Variants in RASSF5 observed in about 807,000 individuals in gnomAD.
The protein encoded by RASSF5 is Ras association domain family member 5, also known as ras association domain-containing protein 5.
A neutral mutation model predicts 40.5 loss-of-function variants in RASSF5; 25 were observed. That is an observed-to-expected ratio of 0.62 (90% CI 0.45 to 0.86). RASSF5 has a LOEUF of 0.86. Ranked by LOEUF, RASSF5 falls within the 40% of genes least tolerant of loss-of-function variation. The pLI, the probability that RASSF5 is intolerant of heterozygous loss-of-function variation, is 0.00. For synonymous variants in RASSF5, 246 were observed against 252.4 expected (o/e 0.97, Z 0.24); for missense variants, 521 against 572.8 (o/e 0.91, Z 0.92).
chr1:206,548,232 G>A (rs1344226596), intron 2 of RASSF5, among the ~76,000 whole-genome samples: 1 of 152,092 alleles, frequency 6.6e-6, no homozygotes, highest in East Asian at 1.9e-4. Context: ...CTGAGACTGG[G>A]CAATGTATAA....
chr1:206,580,525 G>T (rs782402947), intron 2 of RASSF5, among the ~76,000 whole-genome samples: 17 of 152,182 alleles, frequency 1.1e-4, no homozygotes, highest in South Asian at 4.1e-4. Context: ...GGCACATCTG[G>T]TCCCATAGAC....
At chr1:206,558,238 T>G (rs1442080328) in intron 2 of RASSF5, among the ~76,000 whole-genome samples, 1 of 152,150 alleles carries the variant, frequency 6.6e-6, no homozygotes, top group Non-Finnish European at 1.5e-5. Flanking sequence ...GCTGCTGTCA[T>G]GCTACCACTT....
Position 206,507,929 on chromosome 1 carries a change from G to T in RASSF5, c.327G>T (p.Gln109His). 6.6e-7 allele frequency: 1 copy of T among 1,520,140 alleles called. No individual in the cohort carries two copies. The allele number at this position is 1,520,140 out of a possible 1,614,324, so 94.2% of individuals were successfully genotyped here. ...GCGACGTGCGGAGCATCTTCGAGCA[G>T]CCGCAGGATCCCAGAGTCCCGGCGG... ...RPRDVRSIFEQPQDPRVPAER... is the reference protein window; with the variant it reads ...RPRDVRSIFEHPQDPRVPAER... The change falls in exon 1 of 6, where the codon CAG becomes CAT. Residue 109 changes from glutamine to histidine, a missense_variant. Transcript: ENST00000579436.
At chr1:206,563,650 T>G (rs1193014016) in intron 2 of RASSF5, among the ~76,000 whole-genome samples, 1 of 152,208 alleles carries the variant, frequency 6.6e-6, no homozygotes, top group Non-Finnish European at 1.5e-5. Flanking sequence ...TGGATTCTGC[T>G]TTTCTAATAC....
intron 2 of RASSF5, among the ~76,000 whole-genome samples, chr1:206,570,034 T>A (rs1668397484): frequency 6.6e-6 from 1 of 151,756 alleles, no homozygotes; most frequent in Admixed American, 6.6e-5. Flanking sequence ...CCCCTGCCCT[T>A]TTTATTTTTT....
At chr1:206,515,081 A>G (rs1666712868) in intron 1 of RASSF5, among the ~76,000 whole-genome samples, 1 of 152,242 alleles carries the variant, frequency 6.6e-6, no homozygotes, top group Admixed American at 6.5e-5. Context: ...AGAACCCAGC[A>G]TGGCATTTTG....
chr1:206,574,962 C>G (rs895090723), intron 2 of RASSF5, among the ~76,000 whole-genome samples: 1 of 149,502 alleles, frequency 6.7e-6, no homozygotes, highest in South Asian at 2.1e-4. Flanking sequence ...CAGGTTCAAG[C>G]GATTCTTCCG....
In RASSF5 at chr1:206,536,100, G is replaced by A. The variant is rs149301541; in HGVS notation, c.458-2072G>A. Among the ~76,000 whole-genome samples the A allele has an allele frequency of 9.8e-3, 1,498 of 152,190 alleles. 23 individuals are homozygous for A. Among genetic ancestry groups the A allele is most frequent in the African/African-American group, 0.034 (1,409 of 41,510 alleles). ...AAACCCTGGTATTTCTGGGCACTGC[G>A]GGCAGAAGTTTGGCCTGCACTTCCC... On this transcript the variant is annotated intron_variant, in intron 1 of 5. Coordinates refer to ENST00000579436, the MANE Select transcript of RASSF5 (RefSeq NM_182663.4).
intron 2 of RASSF5, among the ~76,000 whole-genome samples, chr1:206,558,117 T>C (rs1014536527): frequency 6.6e-6 from 1 of 152,228 alleles, no homozygotes; most frequent in African/African-American, 2.4e-5. Flanking sequence ...CACACATTCA[T>C]CGGTTGGGAC....
At chr1:206,570,017 C>T (rs1668397032) in intron 2 of RASSF5, among the ~76,000 whole-genome samples, 1 of 151,828 alleles carries the variant, frequency 6.6e-6, no homozygotes, top group African/African-American at 2.4e-5. Context: ...ACATGGCCTC[C>T]AGGTTTCCCC....
At position 206,535,574 on chromosome 1, in the gene RASSF5, G is replaced by A. The variant is rs114536208; in HGVS notation, c.458-2598G>A. On this transcript the variant is annotated intron_variant, in intron 1 of 5. Transcript: ENST00000579436. This position sits in a 1 kb window ranked among gnomAD's most constrained non-coding sequence, Gnocchi z 5.0. ...GCTGCAGCCTGTGATTACATGGTCC[G>A]ATGGAACAAAGTCTTTGGTGCTCAA... 2.1e-3 allele frequency among the ~76,000 whole-genome samples: 316 copies of A among 152,244 alleles called. 4 individuals are homozygous for A. The highest frequency in any genetic ancestry group is 7.4e-3 in the African/African-American group (306 of 41,538).
At chr1:206,575,508 G>C (rs374301098) in intron 2 of RASSF5, among the ~76,000 whole-genome samples, 1 of 152,172 alleles carries the variant, frequency 6.6e-6, no homozygotes, top group Admixed American at 6.5e-5. Context: ...GTGGTGAGCA[G>C]TGAAAAAGTA....
In RASSF5 at chr1:206,507,537, G is replaced by C. The variant is rs552622339; in HGVS notation, c.-66G>C. The C allele has an allele frequency of 2.3e-6, 3 of 1,279,820 alleles. No homozygotes were observed. Among genetic ancestry groups the C allele is most frequent in the South Asian group, 1.6e-5 (1 of 61,848 alleles). 79.3% of individuals were successfully genotyped at this position (1,279,820 alleles called of 1,614,324 possible). ...TGGTGTGGGGCGGCCCCTTCTCTCG[G>C]GGCTGGCTCGGGAGTAGCGCAGTCG... On this transcript the variant is annotated 5_prime_UTR_variant, in exon 1 of 6. Coordinates refer to ENST00000579436, the MANE Select transcript of RASSF5 (RefSeq NM_182663.4).
intron 2 of RASSF5, among the ~76,000 whole-genome samples, chr1:206,581,709 G>A (rs1668887703): frequency 6.6e-6 from 1 of 152,178 alleles, no homozygotes; most frequent in Admixed American, 6.5e-5. Context: ...GTGCTGAGGG[G>A]TTGGAGGTGG....
intron 1 of RASSF5, 110 bp from the exon 2 acceptor site, chr1:206,538,062 C>A: frequency 6.8e-7 from 1 of 1,469,070 alleles, no homozygotes; most frequent in Non-Finnish European, 9.4e-7. Context: ...TTCTCTCCTG[C>A]ACTGCTCTTC....
chr1:206,553,179 G>C (rs1553401260), intron 2 of RASSF5, among the ~76,000 whole-genome samples: 1 of 152,120 alleles, frequency 6.6e-6, no homozygotes, highest in Non-Finnish European at 1.5e-5. Context: ...TCCAGCCTGG[G>C]TGACAGAGAA....
intron 1 of RASSF5, among the ~76,000 whole-genome samples, chr1:206,523,961 C>A (rs1667012542): frequency 9.1e-6 from 1 of 110,188 alleles, no homozygotes; most frequent in Non-Finnish European, 1.7e-5. Flanking sequence ...ATATATATAC[C>A]ATATATAATA....
At position 206,586,905 on chromosome 1, in the gene RASSF5, T is replaced by TA; in HGVS notation, c.1184_1185insA (p.Gln396AlafsTer5). 6.2e-7 allele frequency: 1 copy of TA among 1,614,150 alleles called. No homozygotes were observed. Among genetic ancestry groups the TA allele is most frequent in the Non-Finnish European group, 8.5e-7 (1 of 1,180,010 alleles). On this transcript the variant is annotated frameshift_variant, in exon 6 of 6. Transcript: ENST00000579436. LOFTEE classifies it high-confidence loss of function. The stretch of plus-strand genomic sequence containing the variant: ...GAGGAGCAGGACAAAATCCAACAAG[T>TA]GCAAAAGAAGTATGACAAGTTTAGG...
intron 1 of RASSF5, among the ~76,000 whole-genome samples, chr1:206,516,892 G>A (rs1292897640): frequency 1.3e-5 from 2 of 152,170 alleles, no homozygotes; most frequent in Non-Finnish European, 2.9e-5. Context: ...GCAAGGACCA[G>A]CAGGGCAAGG....
Sources: allele counts gnomAD v4.1 joint callset (sites outside exome capture counted in the v4.1 genomes callset), GRCh38; gene constraint gnomAD v4.1.1; non-coding constraint Gnocchi (gnomAD v3.1); transcripts MANE v1.5; gene names NCBI Gene and HGNC (gene_info 2026-07-23, HGNC 2026-07-21).